The following NCAM2 variants were observed in gnomAD, a reference collection of about 807,000 sequenced individuals.
The protein encoded by NCAM2 is neural cell adhesion molecule 2.
NCAM2 carries 30 observed loss-of-function variants against 98.1 expected under a neutral mutation model. That is an observed-to-expected ratio of 0.31 (90% CI 0.23 to 0.41). The LOEUF (loss-of-function observed/expected upper bound fraction) is 0.41. Among genes scored for constraint, NCAM2 ranks in the 10% least tolerant of loss-of-function variants. NCAM2 has a pLI of 1.00. For missense variants in NCAM2, 867 were observed against 1,005.8 expected, an observed-to-expected ratio of 0.86 and a Z score of 1.87; for synonymous variants, 368 against 342.4, an observed-to-expected ratio of 1.07 and a Z score of -0.83.
chr21:21,218,077 CTG>C (rs1273215243), intron 1 of NCAM2, among the ~76,000 whole-genome samples: 1 of 152,196 alleles, frequency 6.6e-6, no homozygotes, highest in South Asian at 2.1e-4. Flanking sequence ...CTCACAGAAA[CTG>C]TGAAATAATA....
At chr21:21,440,982 G>T (rs953574794) in intron 12 of NCAM2, among the ~76,000 whole-genome samples, 2 of 152,116 alleles carry the variant, frequency 1.3e-5, no homozygotes, top group East Asian at 1.9e-4. Context: ...ACTCGAATTA[G>T]CAGGGTTTCA....
At chr21:21,074,819 G>C (rs985109782) in intron 1 of NCAM2, among the ~76,000 whole-genome samples, 2 of 136,826 alleles carry the variant, frequency 1.5e-5, no homozygotes, top group Non-Finnish European at 3.2e-5. Flanking sequence ...TGAAGGTCAT[G>C]TCTCTGTTGA....
At chr21:21,337,505 CTTAT>C (rs1293682099) in intron 7 of NCAM2, among the ~76,000 whole-genome samples, 3 of 151,898 alleles carry the variant, frequency 2.0e-5, no homozygotes, top group Admixed American at 6.6e-5. Flanking sequence ...TTAAGAACAA[CTTAT>C]TTGTGTTTCT....
Position 21,508,808 on chromosome 21 carries a change from CTT to C in NCAM2, c.2078-12_2078-11del, listed in dbSNP as rs764097299. 870 of 412,842 alleles carry C rather than the reference CTT, an allele frequency of 2.1e-3. 5 individuals carry two copies. Among genetic ancestry groups the C allele is most frequent in the African/African-American group, 0.011 (318 of 29,298 alleles). The allele number at this position is 412,842 out of a possible 1,614,324, so 25.6% of individuals were successfully genotyped here. A position where few individuals can be genotyped will look rare whatever the true frequency, so the allele number is the denominator to read the frequency against. Reference sequence around the variant, plus strand: ...ATTTAGAGGTTTAATACTTTTTTTCCTTTTTTTTTTTTTTTTTTTTTTTTTTT... The same window carrying C: ...ATTTAGAGGTTTAATACTTTTTTTCCTTTTTTTTTTTTTTTTTTTTTTTTT... On this transcript the variant is annotated intron_variant, in intron 15 of 17. Coordinates refer to ENST00000400546, the MANE Select transcript of NCAM2 (RefSeq NM_004540.5).
At chr21:21,417,236 T>C (rs2077013418) in intron 10 of NCAM2, among the ~76,000 whole-genome samples, 1 of 152,116 alleles carries the variant, frequency 6.6e-6, no homozygotes, top group Non-Finnish European at 1.5e-5. Flanking sequence ...TTGTTAAATC[T>C]CTTTCTCATT....
rs978681282 is a variant in NCAM2, at chr21:21,147,888, A to C, written c.56-132690A>C. 3.3e-5 allele frequency among the ~76,000 whole-genome samples: 5 copies of C among 151,350 alleles called. No individual in the cohort carries two copies. The Admixed American group carries it at 3.3e-4, about 10-fold the overall frequency. On this transcript the variant is annotated intron_variant, in intron 1 of 17. Transcript: ENST00000400546. ...GATAATTTTTCATTCTCTATATAAT[A>C]TATAGGATAATAATAGGATGAATAA... is the stretch of plus-strand genomic sequence containing the variant.
At chr21:21,230,937 A>G in intron 1 of NCAM2, among the ~76,000 whole-genome samples, 1 of 151,346 alleles carries the variant, frequency 6.6e-6, no homozygotes, top group East Asian at 1.9e-4. Flanking sequence ...TTATTATAGA[A>G]AGAGATAATG....
intron 16 of NCAM2, among the ~76,000 whole-genome samples, chr21:21,533,235 AT>A (rs1336040045): frequency 1.5e-5 from 2 of 136,376 alleles, no homozygotes; most frequent in African/African-American, 2.8e-5. Flanking sequence ...TATATCCACC[AT>A]TATGATAAGA....
At chr21:21,417,372 A>T (rs976176519) in intron 10 of NCAM2, among the ~76,000 whole-genome samples, 1 of 152,064 alleles carries the variant, frequency 6.6e-6, no homozygotes. Flanking sequence ...TATTCCTATG[A>T]TCTGTTTCTA....
intron 1 of NCAM2, among the ~76,000 whole-genome samples, chr21:21,228,744 A>G (rs575959853): frequency 1.4e-4 from 21 of 151,606 alleles, no homozygotes; most frequent in Admixed American, 1.1e-3. Context: ...GATAGTATTT[A>G]CACCTGGGAG....
chr21:21,522,819 G>A (rs1406827277), intron 16 of NCAM2, among the ~76,000 whole-genome samples: 1 of 151,416 alleles, frequency 6.6e-6, no homozygotes, highest in Admixed American at 6.6e-5. Flanking sequence ...TTTAGTAGAG[G>A]CGGGGTTTCG....
intron 1 of NCAM2, among the ~76,000 whole-genome samples, chr21:21,190,137 T>A (rs1052812847): frequency 7.2e-5 from 11 of 152,180 alleles, no homozygotes; most frequent in Admixed American, 5.2e-4. Context: ...TGATTTAGAC[T>A]CTATGCAATT....
Position 21,174,748 on chromosome 21 carries a change from A to G in NCAM2, c.56-105830A>G, listed in dbSNP as rs549658053. 3.9e-5 allele frequency among the ~76,000 whole-genome samples: 6 copies of G among 152,270 alleles called. No individual in the cohort carries two copies. The East Asian group carries it at 1.2e-3, about 29-fold the overall frequency. On this transcript the variant is annotated intron_variant, in intron 1 of 17. Transcript: ENST00000400546. ...GAGACAGGAAATTAAAAAAAAATAA[A>G]TAAATACCAATAATACAATTACAAA...
chr21:21,214,721 C>CTATATATATATATA (rs2069801557), intron 1 of NCAM2, among the ~76,000 whole-genome samples: 1 of 22,584 alleles, frequency 4.4e-5, no homozygotes, highest in Admixed American at 5.3e-4. Flanking sequence ...TATATATATT[C>CTATATATATATATA]CATATATATA....
intron 1 of NCAM2, among the ~76,000 whole-genome samples, chr21:21,154,503 A>G (rs866342999): frequency 1.3e-5 from 2 of 151,754 alleles, no homozygotes; most frequent in African/African-American, 4.8e-5. Context: ...TATAGATAAA[A>G]TGATATGGTA....
intron 12 of NCAM2, among the ~76,000 whole-genome samples, chr21:21,461,939 G>A (rs1569088538): frequency 6.6e-6 from 1 of 152,038 alleles, no homozygotes; most frequent in African/African-American, 2.4e-5. Context: ...TGTTCTGCGT[G>A]TGTATAGAAA....
intron 1 of NCAM2, among the ~76,000 whole-genome samples, chr21:21,058,669 A>ATT (rs59289753): frequency 0.014 from 1,985 of 144,844 alleles, 52 homozygotes; most frequent in African/African-American, 0.044. Flanking sequence ...TTCACACAGG[A>ATT]TTTTTTTTTT....
intron 1 of NCAM2, among the ~76,000 whole-genome samples, chr21:21,246,920 A>G (rs2071292093): frequency 6.6e-6 from 1 of 152,184 alleles, no homozygotes; most frequent in African/African-American, 2.4e-5. Flanking sequence ...TAGCATGTGA[A>G]TTATTGAACT....
chr21:21,119,072 A>C lies in NCAM2; in HGVS notation c.55+120454A>C, dbSNP rs913455712. 3.9e-5 allele frequency among the ~76,000 whole-genome samples: 6 copies of C among 152,068 alleles called. No individual in the cohort carries two copies. In the East Asian group the frequency reaches 1.2e-3, roughly 29 times the overall value. ...TTATTTTGTTTTGATCATACTGTGC[A>C]TTACTTTTCAGAAGTTCAACTGTCA... On this transcript the variant is annotated intron_variant, in intron 1 of 17. Coordinates refer to ENST00000400546, the MANE Select transcript of NCAM2 (RefSeq NM_004540.5).
Sources: allele counts gnomAD v4.1 joint callset (sites outside exome capture counted in the v4.1 genomes callset), GRCh38; gene constraint gnomAD v4.1.1; transcripts MANE v1.5; gene names NCBI Gene and HGNC (gene_info 2026-07-23, HGNC 2026-07-21).